The following CNIH3 variants were observed in gnomAD, a reference collection of about 807,000 sequenced individuals.
CNIH3 encodes the protein protein cornichon homolog 3.
CNIH3 carries 14 observed loss-of-function variants against 24.1 expected under a neutral mutation model. The observed-to-expected ratio is 0.58, with a 90% CI of 0.38 to 0.91. CNIH3 has a LOEUF of 0.91. Ranked by LOEUF, CNIH3 falls within the 40% of genes least tolerant of loss-of-function variation. The pLI, the probability that CNIH3 is intolerant of heterozygous loss-of-function variation, is 0.00. For synonymous variants in CNIH3, 68 were observed against 73.8 expected (o/e 0.92, Z 0.40); for missense variants, 178 against 196.8 (o/e 0.90, Z 0.57).
intron 1 of CNIH3, among the ~76,000 whole-genome samples, chr1:224,627,521 G>T (rs1305321358): frequency 6.6e-6 from 1 of 152,194 alleles, no homozygotes; most frequent in African/African-American, 2.4e-5. Context: ...ACCGCACCTG[G>T]CCTGTGGGTC....
intron 3 of CNIH3, among the ~76,000 whole-genome samples, chr1:224,724,875 T>C (rs1319179008): frequency 3.3e-5 from 5 of 152,116 alleles, no homozygotes; most frequent in Admixed American, 3.3e-4. Context: ...CAACAAGTTA[T>C]CTACCTGAGA....
chr1:224,477,680 A>T (rs914531801), intron 1 of CNIH3, among the ~76,000 whole-genome samples: 3 of 152,208 alleles, frequency 2.0e-5, no homozygotes, highest in East Asian at 1.9e-4. Flanking sequence ...TCTACTTAAG[A>T]TATGAGTAGT....
At chr1:224,582,380 A>G (rs1681311530) in intron 4 of CNIH3, among the ~76,000 whole-genome samples, 1 of 152,118 alleles carries the variant, frequency 6.6e-6, no homozygotes, top group Non-Finnish European at 1.5e-5. Flanking sequence ...GGGTTTGTCC[A>G]TGACAAGTAT....
intron 1 of CNIH3, among the ~76,000 whole-genome samples, chr1:224,470,572 G>A (rs1676330881): frequency 6.6e-6 from 1 of 152,014 alleles, no homozygotes; most frequent in Non-Finnish European, 1.5e-5. Context: ...CTTCTGCCTC[G>A]GCCTTTCAAA....
chr1:224,571,894 C>T (rs1032963420), intron 4 of CNIH3, among the ~76,000 whole-genome samples: 7 of 152,148 alleles, frequency 4.6e-5, no homozygotes, highest in South Asian at 4.2e-4. Context: ...AGGTTTTCCA[C>T]AGGGAGTTCT....
chr1:224,564,025 G>C (rs543689193), intron 3 of CNIH3, among the ~76,000 whole-genome samples: 1 of 152,272 alleles, frequency 6.6e-6, no homozygotes, highest in Non-Finnish European at 1.5e-5. Context: ...GAAAGGAATA[G>C]GTCCCCACTT....
chr1:224,547,981 A>G (rs1449047713), intron 3 of CNIH3, among the ~76,000 whole-genome samples: 1 of 151,936 alleles, frequency 6.6e-6, no homozygotes, highest in African/African-American at 2.4e-5. Context: ...ATTATTTGTA[A>G]GATCTAAGGG....
At chr1:224,634,483 T>G (rs1394054448) in intron 1 of CNIH3, among the ~76,000 whole-genome samples, 1 of 151,486 alleles carries the variant, frequency 6.6e-6, no homozygotes, top group African/African-American at 2.4e-5. Context: ...GCAGGAGAAT[T>G]GCTTGAAACT....
intron 1 of CNIH3, among the ~76,000 whole-genome samples, chr1:224,669,853 A>C (rs753499729): frequency 2.0e-5 from 3 of 152,168 alleles, no homozygotes; most frequent in Admixed American, 6.5e-5. Flanking sequence ...ATAGTCACAC[A>C]AACAAATGAG....
intron 1 of CNIH3, among the ~76,000 whole-genome samples, chr1:224,488,543 C>T (rs1198864540): frequency 6.6e-6 from 1 of 152,104 alleles, no homozygotes; most frequent in East Asian, 1.9e-4. Context: ...TCATTATAGC[C>T]TCGAGCTCCT....
chr1:224,517,631 C>T (rs1678447905), intron 1 of CNIH3, among the ~76,000 whole-genome samples: 1 of 151,828 alleles, frequency 6.6e-6, no homozygotes, highest in African/African-American at 2.4e-5. Context: ...TCACCCCCTC[C>T]CACCCTTCCC....
At chr1:224,511,966 A>G (rs1678169538), upstream of CNIH3, among the ~76,000 whole-genome samples, 1 of 151,380 alleles carries the variant, frequency 6.6e-6, no homozygotes, top group Non-Finnish European at 1.5e-5. Flanking sequence ...ACCTGAGGTC[A>G]GGAGTTCGAG....
chr1:224,436,617 A>G (rs997984493), intron 1 of CNIH3, among the ~76,000 whole-genome samples: 15 of 152,226 alleles, frequency 9.9e-5, no homozygotes, highest in Admixed American at 2.0e-4. Context: ...CTGAATTTAT[A>G]AAGTCCCTTA....
At chr1:224,713,217 T>C (rs1688253074) in intron 3 of CNIH3, among the ~76,000 whole-genome samples, 1 of 152,204 alleles carries the variant, frequency 6.6e-6, no homozygotes, top group Non-Finnish European at 1.5e-5. Flanking sequence ...TCATAATCAA[T>C]GCACCTGTAG....
intron 3 of CNIH3, among the ~76,000 whole-genome samples, chr1:224,597,861 G>T (rs1682051393): frequency 1.3e-5 from 2 of 152,188 alleles, no homozygotes; most frequent in Admixed American, 6.5e-5. Flanking sequence ...ATGACCTGGG[G>T]TTGGTAATTG....
At chr1:224,475,418 T>C (rs1157597684) in intron 1 of CNIH3, among the ~76,000 whole-genome samples, 2 of 150,200 alleles carry the variant, frequency 1.3e-5, no homozygotes, top group African/African-American at 4.9e-5. Context: ...TTACAACGGA[T>C]ACTGCCAAAT....
At chr1:224,643,459 C>G (rs867593928) in intron 1 of CNIH3, among the ~76,000 whole-genome samples, 1 of 152,170 alleles carries the variant, frequency 6.6e-6, no homozygotes, top group Non-Finnish European at 1.5e-5. Flanking sequence ...GCAGCCCAGT[C>G]GGCTTGTCTG....
chr1:224,501,605 G>A (rs1011496264), intron 1 of CNIH3, among the ~76,000 whole-genome samples: 5 of 149,160 alleles, frequency 3.4e-5, no homozygotes, highest in Non-Finnish European at 7.4e-5. Flanking sequence ...TTTGGAGATG[G>A]AATCTCGCTC....
At chr1:224,650,698 C>T (rs977507828) in intron 1 of CNIH3, among the ~76,000 whole-genome samples, 3 of 152,116 alleles carry the variant, frequency 2.0e-5, no homozygotes, top group African/African-American at 7.2e-5. Flanking sequence ...TCATAAACGG[C>T]TTTCTATGTG....
Sources: allele counts gnomAD v4.1 joint callset (sites outside exome capture counted in the v4.1 genomes callset), GRCh38; gene constraint gnomAD v4.1.1; transcripts MANE v1.5; gene names NCBI Gene and HGNC (gene_info 2026-07-23, HGNC 2026-07-21).